The following CNTN4 variants were observed in gnomAD, a reference collection of about 807,000 sequenced individuals.
The protein encoded by CNTN4 is contactin-4.
Under a neutral mutation model 122.5 loss-of-function variants are expected in CNTN4, and 77 were observed. The observed-to-expected ratio is 0.63, with a 90% CI of 0.52 to 0.76. The LOEUF is 0.76. Ranked by LOEUF, CNTN4 falls within the 30% of genes least tolerant of loss-of-function variation. CNTN4 has a pLI of 0.00. For synonymous variants in CNTN4, 512 were observed against 447.0 expected (o/e 1.15, Z -1.83); for missense variants, 1,256 against 1,259.1 (o/e 1.00, Z 0.04).
At chr3:2,489,162 G>A (rs944439702) in intron 3 of CNTN4, among the ~76,000 whole-genome samples, 1 of 152,096 alleles carries the variant, frequency 6.6e-6, no homozygotes, top group African/African-American at 2.4e-5. Flanking sequence ...AATTGAACGG[G>A]AACTTATGCC....
chr3:2,769,932 C>T (rs1217908639), intron 6 of CNTN4, among the ~76,000 whole-genome samples: 2 of 152,130 alleles, frequency 1.3e-5, no homozygotes, highest in African/African-American at 4.8e-5. Flanking sequence ...GCCTTGGCAC[C>T]TGTGCTAGTT....
intron 3 of CNTN4, among the ~76,000 whole-genome samples, chr3:2,387,600 A>G (rs973562282): frequency 6.6e-6 from 1 of 152,144 alleles, no homozygotes; most frequent in African/African-American, 2.4e-5. Context: ...CATTTGAAAA[A>G]TATAAAAATT....
chr3:2,737,365 A>T (rs6790744), intron 5 of CNTN4, among the ~76,000 whole-genome samples: 1 of 151,992 alleles, frequency 6.6e-6, no homozygotes, highest in Non-Finnish European at 1.5e-5. Flanking sequence ...ACAGGCATGA[A>T]CCACCACGCC....
chr3:2,197,466 A>G (rs1559334316), intron 2 of CNTN4, among the ~76,000 whole-genome samples: 1 of 152,202 alleles, frequency 6.6e-6, no homozygotes, highest in Non-Finnish European at 1.5e-5. Flanking sequence ...TCAGTGCCTT[A>G]ATGCACTACA....
intron 14 of CNTN4, among the ~76,000 whole-genome samples, chr3:2,995,144 C>A (rs971501842): frequency 1.3e-5 from 2 of 152,012 alleles, no homozygotes; most frequent in Non-Finnish European, 2.9e-5. Context: ...ATACTAGATC[C>A]TGTTAGATCT....
chr3:3,046,945 T>C (rs1355012992), intron 23 of CNTN4, among the ~76,000 whole-genome samples: 1 of 134,252 alleles, frequency 7.4e-6, no homozygotes, highest in African/African-American at 2.9e-5. Context: ...ACCAAGGAAA[T>C]GGAAAACAAA....
At chr3:2,792,352 CTT>C (rs201862350) in intron 6 of CNTN4, among the ~76,000 whole-genome samples, 2,695 of 152,282 alleles carry the variant, frequency 0.018, 43 homozygotes, top group Middle Eastern at 0.048. Context: ...AATATATAAT[CTT>C]TATTTCACAG....
chr3:2,667,165 C>G (rs2084217306), intron 4 of CNTN4, among the ~76,000 whole-genome samples: 1 of 152,182 alleles, frequency 6.6e-6, no homozygotes, highest in Non-Finnish European at 1.5e-5. Flanking sequence ...GGAATCGCCA[C>G]ACTAACTTCC....
At chr3:2,252,505 T>A (rs2040417718) in intron 2 of CNTN4, among the ~76,000 whole-genome samples, 1 of 152,018 alleles carries the variant, frequency 6.6e-6, no homozygotes. Context: ...GTTCCATTCA[T>A]GAATAAGAAA....
intron 2 of CNTN4, among the ~76,000 whole-genome samples, chr3:2,117,784 G>A (rs896805041): frequency 2.6e-5 from 4 of 152,118 alleles, no homozygotes; most frequent in Non-Finnish European, 5.9e-5. Flanking sequence ...TATTAGACAC[G>A]CAGGGTTTAG....
intron 7 of CNTN4, among the ~76,000 whole-genome samples, chr3:2,827,367 G>C (rs556633149): frequency 6.6e-6 from 1 of 152,182 alleles, no homozygotes; most frequent in African/African-American, 2.4e-5. Context: ...CATAACAAAT[G>C]TGGCAGCAAT....
At chr3:2,665,663 T>G (rs1447720172) in intron 4 of CNTN4, among the ~76,000 whole-genome samples, 1 of 152,130 alleles carries the variant, frequency 6.6e-6, no homozygotes, top group Admixed American at 6.6e-5. Flanking sequence ...TCACCCTAAT[T>G]AGGGGACCAC....
intron 7 of CNTN4, 69 bp downstream of exon 7, chr3:2,819,650 C>G (rs55734915): frequency 5.1e-6 from 6 of 1,166,630 alleles, no homozygotes; most frequent in Non-Finnish European, 7.7e-6. Flanking sequence ...TGTTCTCCCT[C>G]CTGACACCAG....
rs60680717 is a variant in CNTN4 at position 2,419,115 on chromosome 3, C to A, written c.-89+79882C>A. On this transcript the variant is annotated intron_variant, in intron 3 of 24. Coordinates refer to ENST00000418658, the MANE Select transcript of CNTN4 (RefSeq NM_175607.3). ...AAAAATAATTTCTAAAAATTGGATACCCCTTATGAGAGAAAATATAAGTGG... is the reference window on the plus strand; with the variant it reads ...AAAAATAATTTCTAAAAATTGGATAACCCTTATGAGAGAAAATATAAGTGG... Among the ~76,000 whole-genome samples the A allele has an allele frequency of 2.4e-3, 366 of 152,194 alleles. 3 individuals carry two copies. Among genetic ancestry groups the A allele is most frequent in the African/African-American group, 8.5e-3 (352 of 41,518 alleles).
intron 3 of CNTN4, among the ~76,000 whole-genome samples, chr3:2,534,840 CTGTTATTGT>C (rs1465369554): frequency 3.8e-5 from 5 of 132,666 alleles, no homozygotes; most frequent in South Asian, 2.4e-4. Flanking sequence ...GCTGCTGTTG[CTGTTATTGT>C]TGCTGCGGTT....
intron 13 of CNTN4, among the ~76,000 whole-genome samples, chr3:2,931,118 G>A (rs756256563): frequency 6.6e-5 from 10 of 152,146 alleles, no homozygotes; most frequent in Non-Finnish European, 1.2e-4. Context: ...AAGGAATCAG[G>A]GTAGGGCAAG....
rs558462897 is a variant in CNTN4 at position 2,339,171 on chromosome 3, A to G, written c.-144-7A>G. ...ATTTATTTGTGTATTTTTTCTTTTT[A>G]TTCTAGGAATCATTGACATAGAGTA... is the stretch of plus-strand genomic sequence containing the variant. On this transcript the variant is annotated splice_region_variant and splice_polypyrimidine_tract_variant and intron_variant, in intron 2 of 24. Coordinates refer to ENST00000418658, the MANE Select transcript of CNTN4 (RefSeq NM_175607.3). 79 of 152,058 alleles carry G rather than the reference A, an allele frequency of 5.2e-4. No individual in the cohort carries two copies. Among genetic ancestry groups the G allele is most frequent in the African/African-American group, 1.8e-3 (75 of 41,508 alleles). The allele number at this position is 152,058 out of a possible 1,614,324, so 9.4% of individuals were successfully genotyped here. A position where few individuals can be genotyped will look rare whatever the true frequency, so the allele number is the denominator to read the frequency against.
chr3:2,819,550 G>A lies in CNTN4; in HGVS notation c.423G>A (p.Val141=), dbSNP rs141541671. 71 of 1,614,014 alleles carry A rather than the reference G, an allele frequency of 4.4e-5. No individual in the cohort carries two copies. In the African/African-American group the frequency reaches 7.6e-4, roughly 17 times the overall value. Residue 141 remains valine (V), a synonymous_variant, in exon 7 of 25, where the codon GTG becomes GTA. Coordinates refer to ENST00000418658, the MANE Select transcript of CNTN4 (RefSeq NM_175607.3). ...TVSVRRGQGM[V]LLCGPPPHSG... ...CTGTCCGTCGAGGTCAAGGAATGGT[G>A]CTACTGTGTGGCCCGCCACCCCATT...
At chr3:2,319,364 C>G (rs75029244) in intron 2 of CNTN4, among the ~76,000 whole-genome samples, 10,025 of 152,216 alleles carry the variant, frequency 0.066, 406 homozygotes, top group Middle Eastern at 0.078. Flanking sequence ...AGCCAGAACA[C>G]TTAACCCTTG....
Sources: allele counts gnomAD v4.1 joint callset (sites outside exome capture counted in the v4.1 genomes callset), GRCh38; gene constraint gnomAD v4.1.1; transcripts MANE v1.5; gene names NCBI Gene and HGNC (gene_info 2026-07-23, HGNC 2026-07-21).